TMEM232: variants seen among roughly 807,000 people sequenced by gnomAD.
TMEM232 encodes the protein transmembrane protein 232.
TMEM232 carries 80 observed loss-of-function variants against 78.8 expected under a neutral mutation model. The ratio of observed to expected loss-of-function variants is 1.01; its 90% CI spans 0.85 to 1.22. The LOEUF (loss-of-function observed/expected upper bound fraction) is 1.22, where lower values mean the gene tolerates loss of function less well. Among genes scored for constraint, TMEM232 ranks in the 50% most tolerant of loss-of-function variants. The probability of loss-of-function intolerance (pLI) is 0.00; values close to 1 mark genes in which losing one functional copy is unlikely to be tolerated. For synonymous variants in TMEM232, 297 were observed against 254.3 expected (o/e 1.17, Z -1.60); for missense variants, 881 against 742.2 (o/e 1.19, Z -2.17).
intron 12 of TMEM232, among the ~76,000 whole-genome samples, chr5:110,509,040 A>T (rs1405844496): frequency 7.0e-6 from 1 of 143,252 alleles, no homozygotes; most frequent in African/African-American, 2.7e-5. Flanking sequence ...ATACACACAC[A>T]TATATGTGTA....
At chr5:110,731,209 C>T (rs182842443), upstream of TMEM232, among the ~76,000 whole-genome samples, 1 of 152,196 alleles carries the variant, frequency 6.6e-6, no homozygotes, top group African/African-American at 2.4e-5. Flanking sequence ...CAGCTCCACC[C>T]CTGTGGCTGT....
chr5:110,542,862 CAACCA>C (rs993639596), intron 11 of TMEM232, among the ~76,000 whole-genome samples: 14 of 152,108 alleles, frequency 9.2e-5, no homozygotes, highest in Admixed American at 3.3e-4. Context: ...TCCCCTCCCA[CAACCA>C]ATCAGACTGA....
At chr5:110,449,498 G>A (rs1760030201) in intron 12 of TMEM232, among the ~76,000 whole-genome samples, 1 of 151,322 alleles carries the variant, frequency 6.6e-6, no homozygotes, top group African/African-American at 2.4e-5. Context: ...CCCTTTAAAA[G>A]AATTCCTTCT....
At chr5:110,728,436 C>T (rs184222084), upstream of TMEM232, among the ~76,000 whole-genome samples, 1 of 151,860 alleles carries the variant, frequency 6.6e-6, no homozygotes, top group East Asian at 1.9e-4. Context: ...ACTACTATCT[C>T]ATACCATAGC....
Position 110,619,938 on chromosome 5 carries a change from C to T in TMEM232, c.769-1376G>A, listed in dbSNP as rs111487110. On this transcript the variant is annotated intron_variant, in intron 7 of 13. Coordinates refer to ENST00000455884, the MANE Select transcript of TMEM232 (RefSeq NM_001039763.4). ...TAATATTAAAAAAATAAAAATAAAA[C>T]AAGAATAAAAAAAAACTTCGGAGTG... Among the ~76,000 whole-genome samples, 872 of 151,612 alleles carry T rather than the reference C, an allele frequency of 5.8e-3. 5 individuals are homozygous for T. Among genetic ancestry groups the T allele is most frequent in the African/African-American group, 0.02 (814 of 41,366 alleles).
chr5:110,458,653 G>A (rs1258337126), intron 12 of TMEM232, among the ~76,000 whole-genome samples: 1 of 152,112 alleles, frequency 6.6e-6, no homozygotes, highest in African/African-American at 2.4e-5. Context: ...CCACTCAGTT[G>A]AAATCCATTC....
At chr5:110,635,136 G>A (rs1457882842) in intron 5 of TMEM232, among the ~76,000 whole-genome samples, 1 of 151,894 alleles carries the variant, frequency 6.6e-6, no homozygotes, top group Non-Finnish European at 1.5e-5. Flanking sequence ...ATTGACTCAG[G>A]AAGAAATACA....
chr5:110,705,848 G>T (rs1275663394), intron 1 of TMEM232, among the ~76,000 whole-genome samples: 2 of 151,290 alleles, frequency 1.3e-5, no homozygotes, highest in East Asian at 3.9e-4. Flanking sequence ...GAATGGTACT[G>T]TCCCCAAAAT....
intron 2 of TMEM232, among the ~76,000 whole-genome samples, chr5:110,646,127 T>C (rs577463726): frequency 1.4e-4 from 21 of 151,830 alleles, no homozygotes; most frequent in Non-Finnish European, 2.4e-4. Flanking sequence ...TGTTCATGGA[T>C]TGGAAAACTC....
Position 110,419,885 on chromosome 5 carries a change from A to G in TMEM232, c.*695T>C, listed in dbSNP as rs999315747. On this transcript the variant is annotated 3_prime_UTR_variant, in exon 14 of 14. Transcript: ENST00000455884. ...AAGTTCCATTTCTAAAATAACTCCTATTTCTATGAATGTCTTCAGCAGTTG... is the reference window on the plus strand; with the variant it reads ...AAGTTCCATTTCTAAAATAACTCCTGTTTCTATGAATGTCTTCAGCAGTTG... Among the ~76,000 whole-genome samples the G allele has an allele frequency of 1.3e-5, 2 of 152,110 alleles. No homozygotes were observed. Among genetic ancestry groups the G allele is most frequent in the Admixed American group, 1.3e-4 (2 of 15,272 alleles).
chr5:110,537,072 G>A (rs2149563233), intron 11 of TMEM232, among the ~76,000 whole-genome samples: 1 of 152,070 alleles, frequency 6.6e-6, no homozygotes. Context: ...ATTTTTCCAG[G>A]ATGCCTCAAG....
chr5:110,531,644 TC>T (rs1294194103), intron 11 of TMEM232, among the ~76,000 whole-genome samples: 1 of 152,072 alleles, frequency 6.6e-6, no homozygotes. Flanking sequence ...CTTTTAGCCC[TC>T]CCCCACCTGC....
chr5:110,700,779 T>TA (rs1795337186), intron 1 of TMEM232, among the ~76,000 whole-genome samples: 1 of 138,008 alleles, frequency 7.2e-6, no homozygotes, highest in Non-Finnish European at 1.6e-5. Flanking sequence ...GGTAGATAGA[T>TA]AGATAGGTAG....
upstream of TMEM232, among the ~76,000 whole-genome samples, chr5:110,727,335 G>T (rs1183072295): frequency 6.6e-6 from 1 of 152,184 alleles, no homozygotes; most frequent in Non-Finnish European, 1.5e-5. Flanking sequence ...ACGTAGGCCG[G>T]GCGCAGTGGC....
chr5:110,390,755 A>T (rs1755144811), intron 3 of TMEM232: 1 of 152,224 alleles, frequency 6.6e-6, no homozygotes. Flanking sequence ...TTCCTTTTAA[A>T]ATACATGGTT....
intron 12 of TMEM232, among the ~76,000 whole-genome samples, chr5:110,525,043 A>G (rs796335503): frequency 6.6e-6 from 1 of 152,042 alleles, no homozygotes; most frequent in East Asian, 1.9e-4. Context: ...ATCTAAAATG[A>G]GTTTCTTATA....
intron 2 of TMEM232, among the ~76,000 whole-genome samples, chr5:110,408,834 C>A (rs1755888230): frequency 6.6e-6 from 1 of 151,926 alleles, no homozygotes. Flanking sequence ...TTGCTATCAG[C>A]CATCACCAAA....
chr5:110,554,426 T>C (rs2149627823), intron 11 of TMEM232, among the ~76,000 whole-genome samples: 1 of 152,312 alleles, frequency 6.6e-6, no homozygotes, highest in African/African-American at 2.4e-5. Flanking sequence ...TGTGATCATG[T>C]GAGTTAATAC....
intron 12 of TMEM232, among the ~76,000 whole-genome samples, chr5:110,516,715 G>C (rs1010667015): frequency 7.9e-5 from 12 of 151,834 alleles, no homozygotes; most frequent in African/African-American, 2.9e-4. Flanking sequence ...ATTTTCTTCT[G>C]AAAAATTACA....
Sources: gnomAD v4.1 joint callset for allele counts (sites outside exome capture counted in the v4.1 genomes callset) on GRCh38, gnomAD v4.1.1 for gene constraint, MANE v1.5 for transcripts, NCBI Gene and HGNC (gene_info 2026-07-23, HGNC 2026-07-21) for gene names.